The following UBXN10 variants were observed in gnomAD, a reference collection of about 807,000 sequenced individuals.
UBXN10 encodes UBX domain protein 10.
Under a neutral mutation model 6.9 loss-of-function variants are expected in UBXN10, and 6 were observed. The observed-to-expected ratio is 0.87, with a 90% CI of 0.48 to 1.72. The LOEUF (loss-of-function observed/expected upper bound fraction) is 1.72. Among genes scored for constraint, UBXN10 ranks in the 40% most tolerant of loss-of-function variants. The pLI is 0.01. For synonymous variants in UBXN10, 131 were observed against 135.2 expected (o/e 0.97, Z 0.21); for missense variants, 317 against 348.4 (o/e 0.91, Z 0.72).
chr1:20,194,702 G>C lies in UBXN10; in HGVS notation c.*3298G>C, dbSNP rs559771753. On this transcript the variant is annotated 3_prime_UTR_variant, in exon 2 of 2. Transcript: ENST00000375099. ...AAGCCACCCTGCCTCTTGGGACAAA[G>C]ATGTTTCTCTTTACTTAGTTTTAAA... 3.0e-5 allele frequency: 5 copies of C among 167,076 alleles called. No individual in the cohort carries two copies. Among genetic ancestry groups the C allele is most frequent in the Admixed American group, 6.5e-5 (1 of 15,290 alleles). 10.3% of individuals were successfully genotyped at this position (167,076 alleles called of 1,614,324 possible).
chr1:20,185,909 C>T (rs1282719857), upstream of UBXN10, among the ~76,000 whole-genome samples: 1 of 152,186 alleles, frequency 6.6e-6, no homozygotes, highest in East Asian at 1.9e-4. Context: ...GGCCGCGGGT[C>T]CCTGTCGCCT....
chr1:20,190,042 T>C (rs1394584557), intron 1 of UBXN10, among the ~76,000 whole-genome samples: 5 of 152,216 alleles, frequency 3.3e-5, no homozygotes, highest in Non-Finnish European at 7.3e-5. Context: ...GCTCATGAAC[T>C]AAGAATAGCT....
In UBXN10 at chr1:20,191,560, G is replaced by A. The variant is rs2100736789; in HGVS notation, c.*156G>A. The stretch of plus-strand genomic sequence containing the variant: ...TGCACTGCGTGTCCTCTGAAGCAGT[G>A]AAGTCTGTGCCTATGCCGAGCGCGC... On this transcript the variant is annotated 3_prime_UTR_variant, in exon 2 of 2. Transcript: ENST00000375099. The surrounding 1 kb of genome is among the most constrained non-coding windows in gnomAD (Gnocchi z 4.5). 1 of 1,210,352 alleles carries A rather than the reference G, an allele frequency of 8.3e-7. No individual in the cohort carries two copies. The highest frequency in any genetic ancestry group is 2.5e-5 in the East Asian group (1 of 39,724). 75.0% of individuals were successfully genotyped at this position (1,210,352 alleles called of 1,614,324 possible).
upstream of UBXN10, among the ~76,000 whole-genome samples, chr1:20,185,396 G>C (rs959137960): frequency 6.6e-6 from 1 of 152,300 alleles, no homozygotes; most frequent in East Asian, 1.9e-4. Context: ...GCCAGGATAG[G>C]GAAGAAGCAG....
chr1:20,185,362 C>A (rs895082561), upstream of UBXN10, among the ~76,000 whole-genome samples: 1 of 152,114 alleles, frequency 6.6e-6, no homozygotes, highest in African/African-American at 2.4e-5. Context: ...AGGGAGGATC[C>A]TTTTGAGAAT....
intron 1 of UBXN10, 69 bp from the exon 2 acceptor site, chr1:20,190,478 G>A: frequency 6.6e-7 from 1 of 1,509,980 alleles, no homozygotes; most frequent in South Asian, 1.3e-5. Flanking sequence ...CTCAGGGAGG[G>A]AATGGCTTGG....
At chr1:20,189,716 A>G (rs1174467456) in intron 1 of UBXN10, among the ~76,000 whole-genome samples, 1 of 152,198 alleles carries the variant, frequency 6.6e-6, no homozygotes, top group African/African-American at 2.4e-5. Flanking sequence ...TGATGGAGTG[A>G]GACTCTGTCT....
chr1:20,183,821 C>T (rs763597480), upstream of UBXN10, among the ~76,000 whole-genome samples: 1 of 152,198 alleles, frequency 6.6e-6, no homozygotes, highest in Non-Finnish European at 1.5e-5. Context: ...AAGCTGGCTG[C>T]AGCCCAGGGA....
chr1:20,190,266 A>G (rs979789145), intron 1 of UBXN10, among the ~76,000 whole-genome samples: 4 of 152,096 alleles, frequency 2.6e-5, no homozygotes, highest in Admixed American at 2.6e-4. Flanking sequence ...TATTTTCTTC[A>G]TAGCGGTTGT....
chr1:20,188,557 A>T (rs1474972227), intron 1 of UBXN10, among the ~76,000 whole-genome samples: 7 of 152,220 alleles, frequency 4.6e-5, no homozygotes, highest in African/African-American at 1.7e-4. Context: ...ATTGTTCAAG[A>T]TTTTGTGATG....
chr1:20,191,404 A>G lies in UBXN10; in HGVS notation c.843A>G (p.Ter281TrpextTer12), dbSNP rs1363056259. ...ISLEDGEGWP* is the reference protein window; with the variant it reads ...ISLEDGEGWPW ...TGGAAGATGGGGAAGGGTGGCCCTG[A>G]GTCCACAGCCACCCAGCTGAGGTCC... The change falls in exon 2 of 2, where the codon TGA becomes TGG. Residue 281 changes from the stop codon to tryptophan, a stop_lost. Transcript: ENST00000375099. This position sits in a 1 kb window ranked among gnomAD's most constrained non-coding sequence, Gnocchi z 4.5. The G allele has an allele frequency of 3.1e-6, 5 of 1,605,876 alleles. No homozygotes were observed.
Position 20,191,497 on chromosome 1 carries a change from G to A in UBXN10, c.*93G>A. ...TTAGGCAGCCTGTTTCAAGTGCCAT[G>A]TGGACCTGGTGCAGCTGGGAAGCTT... On this transcript the variant is annotated 3_prime_UTR_variant, in exon 2 of 2. Coordinates refer to ENST00000375099, the MANE Select transcript of UBXN10 (RefSeq NM_152376.5). This position sits in a 1 kb window ranked among gnomAD's most constrained non-coding sequence, Gnocchi z 4.5. 6.6e-7 allele frequency: 1 copy of A among 1,520,986 alleles called. No individual in the cohort carries two copies. The highest frequency in any genetic ancestry group is 8.8e-7 in the Non-Finnish European group (1 of 1,135,436). 94.2% of individuals were successfully genotyped at this position (1,520,986 alleles called of 1,614,324 possible). A position where few individuals can be genotyped will look rare whatever the true frequency, so the allele number is the denominator to read the frequency against.
Position 20,190,968 on chromosome 1 carries a change from A to G in UBXN10, c.407A>G (p.Lys136Arg), listed in dbSNP as rs753639150. The change falls in exon 2 of 2, where the codon AAG (lysine) becomes AGG (arginine). Residue 136 changes from lysine (K) to arginine (R), a missense_variant. By Grantham distance (26) the Lys-to-Arg change is conservative. Coordinates refer to ENST00000375099, the MANE Select transcript of UBXN10 (RefSeq NM_152376.5). ...EEEAVETVAK[K>R]ASSLQLSSIR... ...GAGGCTGTGGAAACCGTTGCCAAAAAGGCCAGCTCACTGCAACTGAGCAGT... is the reference window on the plus strand; with the variant it reads ...GAGGCTGTGGAAACCGTTGCCAAAAGGGCCAGCTCACTGCAACTGAGCAGT... 2 of 1,614,176 alleles carry G rather than the reference A, an allele frequency of 1.2e-6. No homozygotes were observed. Among genetic ancestry groups the G allele is most frequent in the South Asian group, 2.2e-5 (2 of 91,076 alleles).
rs768685550 is a variant in UBXN10, at chr1:20,190,634, C to G, written c.73C>G (p.Leu25Val). 1.1e-5 allele frequency: 18 copies of G among 1,614,036 alleles called. No individual in the cohort carries two copies. Among genetic ancestry groups the G allele is most frequent in the Non-Finnish European group, 8.5e-7 (1 of 1,180,040 alleles). Reference sequence around the variant, plus strand: ...TGTTGTCAGCACAGCAGTTGACAGCCTCATTTGGCAGCCAAACTCACTAAA... The same window carrying G: ...TGTTGTCAGCACAGCAGTTGACAGCGTCATTTGGCAGCCAAACTCACTAAA... ...STVVSTAVDS[L>V]IWQPNSLNMH... Residue 25 changes from leucine (L) to valine (V), a missense_variant, in exon 2 of 2, where the codon CTC becomes GTC. Transcript: ENST00000375099.
Position 20,191,620 on chromosome 1 carries a change from C to A in UBXN10, c.*216C>A. ...TCCCTTCCAGCTGTTCCATTCTCTC[C>A]ACCACCAGCGTAACTGGCAAGTTAC... On this transcript the variant is annotated 3_prime_UTR_variant, in exon 2 of 2. Coordinates refer to ENST00000375099, the MANE Select transcript of UBXN10 (RefSeq NM_152376.5). The surrounding 1 kb of genome is among the most constrained non-coding windows in gnomAD (Gnocchi z 4.5). 1 of 629,366 alleles carries A rather than the reference C, an allele frequency of 1.6e-6. No homozygotes were observed. The highest frequency in any genetic ancestry group is 2.6e-6 in the Non-Finnish European group (1 of 385,330). 39.0% of individuals were successfully genotyped at this position (629,366 alleles called of 1,614,324 possible).
At chr1:20,190,510 T>G in intron 1 of UBXN10, 37 bp from the exon 2 acceptor site, 1 of 1,558,376 alleles carries the variant, frequency 6.4e-7, no homozygotes, top group Non-Finnish European at 8.7e-7. Flanking sequence ...CCAGGAAGTT[T>G]AACCCACGGA....
At position 20,195,073 on chromosome 1, in the gene UBXN10, A is replaced by C. The variant is rs1281664328; in HGVS notation, c.*3669A>C. The C allele has an allele frequency of 6.0e-6, 1 of 167,086 alleles. No homozygotes were observed. The highest frequency in any genetic ancestry group is 2.4e-5 in the African/African-American group (1 of 41,454). The allele number at this position is 167,086 out of a possible 1,614,324, so 10.4% of individuals were successfully genotyped here. Reference sequence around the variant, plus strand: ...CAGTTACCAACACACAACACTCATAAAACTAAAATTAGGTGTTTTATTTTT... The same window carrying C: ...CAGTTACCAACACACAACACTCATACAACTAAAATTAGGTGTTTTATTTTT... On this transcript the variant is annotated 3_prime_UTR_variant, in exon 2 of 2. Transcript: ENST00000375099.
chr1:20,185,372 T>C (rs562818561), upstream of UBXN10, among the ~76,000 whole-genome samples: 2 of 152,164 alleles, frequency 1.3e-5, no homozygotes, highest in South Asian at 4.2e-4. Context: ...CTTTTGAGAA[T>C]GCCGAGGTAA....
At chr1:20,185,726 A>T (rs777417491), upstream of UBXN10, among the ~76,000 whole-genome samples, 13 of 152,188 alleles carry the variant, frequency 8.5e-5, no homozygotes, top group Non-Finnish European at 1.2e-4. Context: ...GCCTCATTTT[A>T]AAACCAGGGA....
Sources: allele counts gnomAD v4.1 joint callset (sites outside exome capture counted in the v4.1 genomes callset), GRCh38; gene constraint gnomAD v4.1.1; non-coding constraint Gnocchi (gnomAD v3.1); transcripts MANE v1.5; gene names NCBI Gene and HGNC (gene_info 2026-07-23, HGNC 2026-07-21).